The following SORBS2 variants were observed in gnomAD, a reference collection of about 807,000 sequenced individuals.
SORBS2 encodes sorbin and SH3 domain-containing protein 2.
SORBS2 carries 46 observed loss-of-function variants against 97.7 expected under a neutral mutation model. The observed-to-expected ratio is 0.47, with a 90% CI of 0.37 to 0.60. The LOEUF (loss-of-function observed/expected upper bound fraction) is 0.60. Among genes scored for constraint, SORBS2 ranks in the 20% least tolerant of loss-of-function variants. The pLI is 0.00. For synonymous variants in SORBS2, 476 were observed against 473.4 expected (o/e 1.01, Z -0.07); for missense variants, 1,316 against 1,282.3 (o/e 1.03, Z -0.40).
chr4:185,609,042 A>G (rs1337173216), intron 12 of SORBS2, among the ~76,000 whole-genome samples: 2 of 151,744 alleles, frequency 1.3e-5, no homozygotes, highest in Non-Finnish European at 2.9e-5. Context: ...CATAAATATC[A>G]CAAAACTCAT....
chr4:185,643,578 T>C (rs1270232092), intron 4 of SORBS2, among the ~76,000 whole-genome samples: 2 of 152,134 alleles, frequency 1.3e-5, no homozygotes, highest in African/African-American at 2.4e-5. Flanking sequence ...GCTGTCACTG[T>C]AGCCCAGGCA....
chr4:185,839,669 C>T (rs1420144196), intron 1 of SORBS2, among the ~76,000 whole-genome samples: 2 of 152,138 alleles, frequency 1.3e-5, no homozygotes, highest in Non-Finnish European at 2.9e-5. Flanking sequence ...CTTCTGAGTC[C>T]TGTACAATAA....
At chr4:185,840,675 G>A (rs573233231) in intron 1 of SORBS2, among the ~76,000 whole-genome samples, 28 of 152,122 alleles carry the variant, frequency 1.8e-4, no homozygotes, top group Non-Finnish European at 3.8e-4. Context: ...CTCACACCCA[G>A]CCTTTAAAAA....
chr4:185,637,066 A>C (rs2097021174), intron 4 of SORBS2, among the ~76,000 whole-genome samples: 1 of 152,232 alleles, frequency 6.6e-6, no homozygotes, highest in African/African-American at 2.4e-5. Flanking sequence ...TCTGGAAATT[A>C]AGATCCACAG....
At chr4:185,804,768 C>T (rs375405549) in intron 1 of SORBS2, among the ~76,000 whole-genome samples, 76 of 151,984 alleles carry the variant, frequency 5.0e-4, no homozygotes, top group South Asian at 1.2e-3. Flanking sequence ...TAATCTTTTG[C>T]GTAGTTGACT....
At position 185,797,687 on chromosome 4, in the gene SORBS2, AGCC is replaced by A. The variant is rs542585502; in HGVS notation, c.-337-22324_-337-22322del. Among the ~76,000 whole-genome samples the A allele has an allele frequency of 4.7e-4, 71 of 152,264 alleles. No homozygotes were observed. The Middle Eastern group carries it at 0.01, about 22-fold the overall frequency. On this transcript the variant is annotated intron_variant, in intron 1 of 20. Transcript: ENST00000284776. ...AAATAGGGGTCAGGAAAAGCCCAGGAGCCTGTTCCCCAAGACCAAGTTAGCACT... is the reference window on the plus strand; with the variant it reads ...AAATAGGGGTCAGGAAAAGCCCAGGATGTTCCCCAAGACCAAGTTAGCACT...
intron 1 of SORBS2, among the ~76,000 whole-genome samples, chr4:185,827,959 CCAT>C (rs1056561918): frequency 2.1e-4 from 8 of 37,832 alleles, no homozygotes; most frequent in Non-Finnish European, 4.4e-4. Flanking sequence ...ATCATCGTCA[CCAT>C]CATCATCATC....
At chr4:185,926,585 A>C (rs907541789) in intron 1 of SORBS2, among the ~76,000 whole-genome samples, 1 of 151,316 alleles carries the variant, frequency 6.6e-6, no homozygotes, top group Non-Finnish European at 1.5e-5. Context: ...GTAGAATTCT[A>C]TTATAAAAGC....
intron 1 of SORBS2, among the ~76,000 whole-genome samples, chr4:185,881,355 T>C (rs1003661904): frequency 2.6e-5 from 4 of 152,192 alleles, no homozygotes; most frequent in Non-Finnish European, 5.9e-5. Flanking sequence ...CCAAACCTTC[T>C]TTTTATAAGA....
At chr4:185,673,713 T>C (rs2097754901) in intron 4 of SORBS2, among the ~76,000 whole-genome samples, 3 of 152,194 alleles carry the variant, frequency 2.0e-5, no homozygotes, top group African/African-American at 4.8e-5. Flanking sequence ...TGAATGGTTT[T>C]ATGTTAATAA....
chr4:185,787,367 G>C lies in SORBS2; in HGVS notation c.-337-12001C>G, dbSNP rs79526869. Reference sequence around the variant, plus strand: ...TGGACAAACTGAACTGATGCATTGGGGAACAGATTAAGTAAAAAGTACGTA... The same window carrying C: ...TGGACAAACTGAACTGATGCATTGGCGAACAGATTAAGTAAAAAGTACGTA... On this transcript the variant is annotated intron_variant, in intron 1 of 20. Coordinates refer to the SORBS2 transcript ENST00000284776. Among the ~76,000 whole-genome samples, 49 of 152,224 alleles carry C rather than the reference G, an allele frequency of 3.2e-4. 2 individuals carry two copies. In the East Asian group the frequency reaches 9.3e-3, roughly 29 times the overall value.
At chr4:185,661,975 T>C in intron 5 of SORBS2, 129 bp downstream of exon 8, 1 of 978,386 alleles carries the variant, frequency 1.0e-6, no homozygotes, top group Non-Finnish European at 1.5e-6. Flanking sequence ...TCTGCCCCAG[T>C]TTCTCCCTGG....
intron 1 of SORBS2, among the ~76,000 whole-genome samples, chr4:185,805,106 T>C (rs898457501): frequency 6.6e-6 from 1 of 152,160 alleles, no homozygotes; most frequent in Non-Finnish European, 1.5e-5. Flanking sequence ...AGATTAGAAA[T>C]CAGTTTTTCT....
At chr4:185,914,885 T>C (rs1181779079) in intron 1 of SORBS2, among the ~76,000 whole-genome samples, 2 of 152,208 alleles carry the variant, frequency 1.3e-5, no homozygotes, top group South Asian at 2.1e-4. Context: ...AATTTGTAAT[T>C]AATAGGAAAT....
At chr4:185,674,833 T>C (rs2097769563) in intron 4 of SORBS2, among the ~76,000 whole-genome samples, 1 of 152,232 alleles carries the variant, frequency 6.6e-6, no homozygotes, top group South Asian at 2.1e-4. Flanking sequence ...CAGTGAGGTC[T>C]ATTGATATTG....
chr4:185,931,895 G>A (rs1378631928), intron 1 of SORBS2, among the ~76,000 whole-genome samples: 5 of 151,954 alleles, frequency 3.3e-5, no homozygotes, highest in Non-Finnish European at 7.4e-5. Context: ...AAGTTTACAG[G>A]AGTTAAGAGA....
At chr4:185,659,672 C>A (rs994823076), upstream of SORBS2, among the ~76,000 whole-genome samples, 7 of 152,122 alleles carry the variant, frequency 4.6e-5, no homozygotes, top group African/African-American at 1.7e-4. Context: ...CCACCCGCCT[C>A]GGCCTTCCAA....
chr4:185,866,747 G>A (rs1037073149), intron 1 of SORBS2, among the ~76,000 whole-genome samples: 7 of 152,108 alleles, frequency 4.6e-5, no homozygotes, highest in South Asian at 2.1e-4. Context: ...AGTAAAACTC[G>A]TAGATTACTG....
At chr4:185,824,682 C>CT (rs1012204918) in intron 1 of SORBS2, among the ~76,000 whole-genome samples, 18 of 148,906 alleles carry the variant, frequency 1.2e-4, no homozygotes, top group African/African-American at 1.7e-4. Flanking sequence ...TCTCTGGATG[C>CT]TTTTTTTTTT....
Sources: allele counts gnomAD v4.1 joint callset (sites outside exome capture counted in the v4.1 genomes callset), GRCh38; gene constraint gnomAD v4.1.1; transcripts MANE v1.5; gene names NCBI Gene and HGNC (gene_info 2026-07-23, HGNC 2026-07-21).